The following NCK1 variants were observed in gnomAD, a reference collection of about 807,000 sequenced individuals.
NCK1 encodes the protein NCK adaptor protein 1.
In NCK1, 19 loss-of-function variants were observed where a neutral mutation model predicts 36.6. The ratio of observed to expected loss-of-function variants is 0.52; its 90% CI spans 0.36 to 0.76. The LOEUF (loss-of-function observed/expected upper bound fraction) is 0.76, where lower values mean the gene tolerates loss of function less well. Ranked by LOEUF, NCK1 falls within the 30% of genes least tolerant of loss-of-function variation. The probability of loss-of-function intolerance (pLI) is 0.00; values close to 1 mark genes in which losing one functional copy is unlikely to be tolerated. For missense variants in NCK1, 358 were observed against 445.6 expected, an observed-to-expected ratio of 0.80 and a Z score of 1.77; for synonymous variants, 165 against 156.0, an observed-to-expected ratio of 1.06 and a Z score of -0.43.
chr3:136,910,600 C>T (rs938282598), intron 1 of NCK1, among the ~76,000 whole-genome samples: 1 of 152,144 alleles, frequency 6.6e-6, no homozygotes, highest in African/African-American at 2.4e-5. Context: ...TTCCTTTCAA[C>T]CTGTTTGACT....
In NCK1 at chr3:136,928,125, C is replaced by T; in HGVS notation, c.124C>T (p.Arg42Ter). 1 of 1,613,908 alleles carries T rather than the reference C, an allele frequency of 6.2e-7. No individual in the cohort carries two copies. Among genetic ancestry groups the T allele is most frequent in the Non-Finnish European group, 8.5e-7 (1 of 1,179,996 alleles). The stretch of plus-strand genomic sequence containing the variant: ...TGATTCTAAGTCCTGGTGGCGAGTT[C>T]GAAATTCCATGAATAAAACAGGTTT... Reference protein sequence around the residue: ...LDDSKSWWRVRNSMNKTGFVP... With the variant: ...LDDSKSWWRV The change falls in exon 2 of 4, where the codon CGA (arginine) becomes TGA (stop). Residue 42 changes from arginine (R) to a stop codon, truncating the protein, a stop_gained. Coordinates refer to ENST00000481752, the MANE Select transcript of NCK1 (RefSeq NM_001291999.2). LOFTEE classifies it high-confidence loss of function.
intron 3 of NCK1, among the ~76,000 whole-genome samples, chr3:136,946,518 G>A (rs565119436): frequency 1.3e-5 from 2 of 152,198 alleles, no homozygotes; most frequent in African/African-American, 4.8e-5. Context: ...GAATTATTTC[G>A]TCTTGTCTAG....
At chr3:136,869,810 T>C (rs776572041) in intron 1 of NCK1, among the ~76,000 whole-genome samples, 2 of 152,066 alleles carry the variant, frequency 1.3e-5, no homozygotes, top group Non-Finnish European at 2.9e-5. Flanking sequence ...ATTTTTTGGT[T>C]GTTAATAGTT....
intron 1 of NCK1, among the ~76,000 whole-genome samples, chr3:136,867,244 C>T (rs1400023010): frequency 1.5e-5 from 1 of 68,156 alleles, no homozygotes; most frequent in African/African-American, 4.3e-5. Flanking sequence ...TCCGTCTGTC[C>T]GTCCGTCTGT....
At chr3:136,937,051 A>G (rs1940549821) in intron 2 of NCK1, among the ~76,000 whole-genome samples, 1 of 152,192 alleles carries the variant, frequency 6.6e-6, no homozygotes, top group African/African-American at 2.4e-5. Flanking sequence ...GCTAAATCCA[A>G]GGTCACAGAT....
In NCK1 at chr3:136,896,803, A is replaced by G. The variant is rs1939404102; in HGVS notation, c.-18-31181A>G. Among the ~76,000 whole-genome samples, 4 of 152,040 alleles carry G rather than the reference A, an allele frequency of 2.6e-5. No homozygotes were observed. In the South Asian group the frequency reaches 8.3e-4, roughly 32 times the overall value. On this transcript the variant is annotated intron_variant, in intron 1 of 3. Transcript: ENST00000481752. ...GACCTAGCACTGTGCCTGGCCCCATACATCTGTTGATGAACACTTAGGTTG... is the reference window on the plus strand; with the variant it reads ...GACCTAGCACTGTGCCTGGCCCCATGCATCTGTTGATGAACACTTAGGTTG...
chr3:136,894,496 T>C (rs1576959150), intron 1 of NCK1, among the ~76,000 whole-genome samples: 1 of 152,138 alleles, frequency 6.6e-6, no homozygotes, highest in Admixed American at 6.6e-5. Context: ...CTAGGTGATG[T>C]GGTATGTGGT....
chr3:136,910,145 T>C (rs1269023805), intron 1 of NCK1, among the ~76,000 whole-genome samples: 3 of 152,204 alleles, frequency 2.0e-5, no homozygotes, highest in Non-Finnish European at 2.9e-5. Context: ...TTGTCACTCA[T>C]TTGCTGCATT....
Position 136,949,211 on chromosome 3 carries a change from T to C in NCK1, c.*758T>C, listed in dbSNP as rs1940910806. 6.6e-6 allele frequency: 1 copy of C among 151,990 alleles called. No individual in the cohort carries two copies. The highest frequency in any genetic ancestry group is 1.5e-5 in the Non-Finnish European group (1 of 67,892). The allele number at this position is 151,990 out of a possible 1,614,324, so 9.4% of individuals were successfully genotyped here. On this transcript the variant is annotated 3_prime_UTR_variant, in exon 4 of 4. Coordinates refer to ENST00000481752, the MANE Select transcript of NCK1 (RefSeq NM_001291999.2). The stretch of plus-strand genomic sequence containing the variant: ...TTCAAACTGTAAATAGATGCTCTAG[T>C]GTTATTTATTTTTTTAATCCCACTT...
chr3:136,918,515 A>C (rs1318893488), intron 1 of NCK1, among the ~76,000 whole-genome samples: 5 of 152,182 alleles, frequency 3.3e-5, no homozygotes, highest in African/African-American at 1.2e-4. Flanking sequence ...AAGAGACTTG[A>C]GCATCTCTGG....
intron 2 of NCK1, among the ~76,000 whole-genome samples, chr3:136,931,223 A>T (rs1435720006): frequency 6.6e-6 from 1 of 152,162 alleles, no homozygotes; most frequent in Non-Finnish European, 1.5e-5. Flanking sequence ...AGTAAAACTA[A>T]TAATAATTTA....
intron 1 of NCK1, among the ~76,000 whole-genome samples, chr3:136,914,498 CTAA>C (rs1939910229): frequency 1.3e-5 from 2 of 152,136 alleles, no homozygotes; most frequent in South Asian, 4.1e-4. Context: ...CCAGAATCCT[CTAA>C]TGTTTTTTAA....
chr3:136,876,780 G>C (rs1040752921), intron 1 of NCK1, among the ~76,000 whole-genome samples: 8 of 152,050 alleles, frequency 5.3e-5, no homozygotes, highest in African/African-American at 1.9e-4. Context: ...GAGAATTTAC[G>C]AATCAGTGTA....
chr3:136,913,198 T>A (rs1351291315), intron 1 of NCK1, among the ~76,000 whole-genome samples: 1 of 152,216 alleles, frequency 6.6e-6, no homozygotes, highest in Non-Finnish European at 1.5e-5. Context: ...TGTTGAAAAC[T>A]GGACATTTAA....
intron 1 of NCK1, among the ~76,000 whole-genome samples, chr3:136,925,765 G>A (rs938390252): frequency 6.6e-6 from 1 of 151,982 alleles, no homozygotes; most frequent in Admixed American, 6.6e-5. Flanking sequence ...GGTGGTTTCC[G>A]GTTTTTGACT....
At chr3:136,913,044 C>T (rs1939869067) in intron 1 of NCK1, among the ~76,000 whole-genome samples, 1 of 151,928 alleles carries the variant, frequency 6.6e-6, no homozygotes, top group Non-Finnish European at 1.5e-5. Context: ...TCTTTTAGTT[C>T]TTTGAACACC....
intron 3 of NCK1, among the ~76,000 whole-genome samples, chr3:136,947,283 G>T (rs746819163): frequency 1.6e-4 from 25 of 152,008 alleles, no homozygotes; most frequent in Non-Finnish European, 2.6e-4. Context: ...AACTTTGGGA[G>T]TAACTGTAGA....
At chr3:136,870,555 C>A (rs564097913) in intron 1 of NCK1, among the ~76,000 whole-genome samples, 27 of 151,894 alleles carry the variant, frequency 1.8e-4, no homozygotes, top group African/African-American at 6.5e-4. Context: ...GTACTACATG[C>A]TCTTGAATAA....
chr3:136,897,515 G>T (rs1939421299), intron 1 of NCK1, among the ~76,000 whole-genome samples: 1 of 152,052 alleles, frequency 6.6e-6, no homozygotes, highest in Non-Finnish European at 1.5e-5. Flanking sequence ...TTTGCCATTT[G>T]TATGCCTTTC....
Sources: allele counts gnomAD v4.1 joint callset (sites outside exome capture counted in the v4.1 genomes callset), GRCh38; gene constraint gnomAD v4.1.1; transcripts MANE v1.5; gene names NCBI Gene and HGNC (gene_info 2026-07-23, HGNC 2026-07-21).